The following PTPRD variants were observed in gnomAD, a reference collection of about 807,000 sequenced individuals.
PTPRD encodes the protein receptor-type tyrosine-protein phosphatase delta.
In PTPRD, 34 loss-of-function variants were observed where a neutral mutation model predicts 214.5. The observed-to-expected ratio is 0.16, with a 90% CI of 0.12 to 0.21. PTPRD has a LOEUF of 0.21. Among genes scored for constraint, PTPRD ranks in the 10% least tolerant of loss-of-function variants. The probability of loss-of-function intolerance (pLI) is 1.00; values close to 1 mark genes in which losing one functional copy is unlikely to be tolerated. For missense variants in PTPRD, 2,545 were observed against 2,398.7 expected (o/e 1.06, Z -1.27); for synonymous variants, 1,128 against 845.7 (o/e 1.33, Z -5.79).
At chr9:8,826,993 T>C (rs772367501) in intron 11 of PTPRD, among the ~76,000 whole-genome samples, 1 of 151,998 alleles carries the variant, frequency 6.6e-6, no homozygotes, top group Non-Finnish European at 1.5e-5. Flanking sequence ...GGCAGATTTC[T>C]TCTCACTCTT....
intron 36 of PTPRD, among the ~76,000 whole-genome samples, chr9:8,399,219 G>C (rs920395281): frequency 2.6e-5 from 4 of 151,702 alleles, no homozygotes; most frequent in African/African-American, 9.7e-5. Flanking sequence ...TCTGGAGATG[G>C]TAGAGATGGT....
intron 10 of PTPRD, among the ~76,000 whole-genome samples, chr9:9,095,295 G>T (rs535652260): frequency 1.3e-3 from 193 of 151,842 alleles, no homozygotes; most frequent in African/African-American, 4.3e-3. Context: ...CATATAAATA[G>T]AAAGAAAAAA....
intron 31 of PTPRD, among the ~76,000 whole-genome samples, chr9:8,470,330 A>G (rs890125107): frequency 3.3e-5 from 5 of 152,134 alleles, no homozygotes; most frequent in African/African-American, 1.2e-4. Context: ...CCTTTCAAAA[A>G]TGTCCTTATA....
chr9:8,946,156 G>C (rs904072376), intron 11 of PTPRD, among the ~76,000 whole-genome samples: 1 of 152,116 alleles, frequency 6.6e-6, no homozygotes, highest in Admixed American at 6.5e-5. Context: ...TCAAGAAAAA[G>C]ATAACCAGTT....
At chr9:8,852,253 A>AAAAAAG (rs576413524) in intron 11 of PTPRD, among the ~76,000 whole-genome samples, 50 of 152,332 alleles carry the variant, frequency 3.3e-4, no homozygotes, top group African/African-American at 1.1e-3. Flanking sequence ...GTTGTTAATA[A>AAAAAAG]AAAAAGAAAA....
At chr9:8,811,227 A>C (rs1441769027) in intron 11 of PTPRD, among the ~76,000 whole-genome samples, 2 of 152,154 alleles carry the variant, frequency 1.3e-5, no homozygotes, top group East Asian at 3.9e-4. Flanking sequence ...TCGGCTTGAG[A>C]GAACCCTTCC....
At chr9:9,853,494 G>A (rs908929922) in intron 5 of PTPRD, among the ~76,000 whole-genome samples, 1 of 152,090 alleles carries the variant, frequency 6.6e-6, no homozygotes, top group Non-Finnish European at 1.5e-5. Context: ...CTTAGTGGTA[G>A]TGGCTTATGC....
intron 21 of PTPRD, among the ~76,000 whole-genome samples, chr9:8,509,174 T>C (rs1301600826): frequency 6.6e-6 from 1 of 151,920 alleles, no homozygotes; most frequent in Non-Finnish European, 1.5e-5. Context: ...AGATAAAAGA[T>C]TGAGAAGCAA....
intron 4 of PTPRD, among the ~76,000 whole-genome samples, chr9:10,018,975 T>A (rs185989351): frequency 0.018 from 2,719 of 152,174 alleles, 84 homozygotes; most frequent in African/African-American, 0.062. Flanking sequence ...GAAACTACCA[T>A]CAGAGTGAAC....
intron 12 of PTPRD, among the ~76,000 whole-genome samples, chr9:8,707,715 T>C (rs2098238918): frequency 6.6e-6 from 1 of 152,216 alleles, no homozygotes; most frequent in Admixed American, 6.5e-5. Context: ...AAAGGTCTCC[T>C]ACTATTGGGT....
At chr9:9,762,510 A>G (rs1476444022) in intron 6 of PTPRD, among the ~76,000 whole-genome samples, 1 of 152,168 alleles carries the variant, frequency 6.6e-6, no homozygotes, top group Non-Finnish European at 1.5e-5. Context: ...CATAGCAATC[A>G]AGAGGGACTA....
chr9:10,034,566 C>G (rs1322229294), intron 3 of PTPRD, among the ~76,000 whole-genome samples: 3 of 151,846 alleles, frequency 2.0e-5, no homozygotes, highest in East Asian at 3.9e-4. Flanking sequence ...ATGATCCTCT[C>G]CCTCCTCTCA....
intron 10 of PTPRD, among the ~76,000 whole-genome samples, chr9:9,060,236 G>T (rs1207183971): frequency 1.3e-5 from 2 of 152,156 alleles, no homozygotes; most frequent in African/African-American, 2.4e-5. Context: ...GCAGAGGCCA[G>T]TAGGAGACCC....
chr9:9,004,622 C>A (rs1255796058), intron 11 of PTPRD, among the ~76,000 whole-genome samples: 2 of 151,818 alleles, frequency 1.3e-5, no homozygotes, highest in African/African-American at 2.4e-5. Flanking sequence ...GAAAAAGTAC[C>A]AGGAAAAATT....
chr9:10,252,469 G>A (rs1486893337), intron 3 of PTPRD, among the ~76,000 whole-genome samples: 1 of 152,054 alleles, frequency 6.6e-6, no homozygotes, highest in Non-Finnish European at 1.5e-5. Context: ...AGTAACACCA[G>A]CCTCCTCCAT....
intron 8 of PTPRD, among the ~76,000 whole-genome samples, chr9:9,462,066 A>T (rs2145938802): frequency 6.6e-6 from 1 of 152,162 alleles, no homozygotes; most frequent in South Asian, 2.1e-4. Context: ...TATAATATCT[A>T]TGTCTTGTTT....
intron 2 of PTPRD, among the ~76,000 whole-genome samples, chr9:10,512,050 A>T (rs575499231): frequency 1.4e-5 from 2 of 141,408 alleles, no homozygotes; most frequent in East Asian, 4.1e-4. Context: ...ATATACACAC[A>T]CGTATATATA....
intron 9 of PTPRD, among the ~76,000 whole-genome samples, chr9:9,184,701 T>C (rs2131560912): frequency 6.6e-6 from 1 of 152,208 alleles, no homozygotes; most frequent in Non-Finnish European, 1.5e-5. Context: ...TAAACTATGG[T>C]ACCCCGTGGA....
chr9:10,371,821 G>T (rs2097628295), intron 2 of PTPRD, among the ~76,000 whole-genome samples: 1 of 152,064 alleles, frequency 6.6e-6, no homozygotes, highest in African/African-American at 2.4e-5. Flanking sequence ...GGGAGCATAT[G>T]GTGTATGTCT....
Sources: allele counts gnomAD v4.1 joint callset (sites outside exome capture counted in the v4.1 genomes callset), GRCh38; gene constraint gnomAD v4.1.1; transcripts MANE v1.5; gene names NCBI Gene and HGNC (gene_info 2026-07-23, HGNC 2026-07-21).